KDM4C: variants seen among roughly 807,000 people sequenced by gnomAD.
KDM4C encodes lysine demethylase 4C, also known as lysine-specific demethylase 4C.
In KDM4C, 81 loss-of-function variants were observed where a neutral mutation model predicts 129.3. The observed-to-expected ratio is 0.63, with a 90% confidence interval of 0.52 to 0.75. KDM4C has a LOEUF of 0.75. Ranked by LOEUF, KDM4C falls within the 30% of genes least tolerant of loss-of-function variation. The probability of loss-of-function intolerance (pLI) is 0.00; values close to 1 mark genes in which losing one functional copy is unlikely to be tolerated. For missense variants in KDM4C, 1,457 were observed against 1,304.0 expected (o/e 1.12, Z -1.81); for synonymous variants, 573 against 456.1 (o/e 1.26, Z -3.26).
At chr9:6,997,665 C>G (rs1820012808) in intron 12 of KDM4C, among the ~76,000 whole-genome samples, 1 of 152,164 alleles carries the variant, frequency 6.6e-6, no homozygotes, top group South Asian at 2.1e-4. Context: ...TGACTTTGTG[C>G]TTTATATGTT....
chr9:6,938,864 ATTG>A (rs1010974734), intron 8 of KDM4C, among the ~76,000 whole-genome samples: 1 of 152,058 alleles, frequency 6.6e-6, no homozygotes, highest in African/African-American at 2.4e-5. Context: ...ATAAAATATT[ATTG>A]TTCTTTCATA....
At chr9:6,908,822 G>A (rs1385371128) in intron 8 of KDM4C, among the ~76,000 whole-genome samples, 1 of 152,002 alleles carries the variant, frequency 6.6e-6, no homozygotes, top group African/African-American at 2.4e-5. Flanking sequence ...CTATAAATTG[G>A]GATAATAATA....
Position 6,986,731 on chromosome 9 carries a change from A to G in KDM4C, c.1677+65A>G, listed in dbSNP as rs923788224. The G allele has an allele frequency of 3.4e-6, 4 of 1,187,896 alleles. No individual in the cohort carries two copies. In the African/African-American group the frequency reaches 4.6e-5, roughly 14 times the overall value. 73.6% of individuals were successfully genotyped at this position (1,187,896 alleles called of 1,614,324 possible). A position where few individuals can be genotyped will look rare whatever the true frequency, so the allele number is the denominator to read the frequency against. On this transcript the variant is annotated intron_variant, in intron 11 of 21. Coordinates refer to ENST00000381309, the MANE Select transcript of KDM4C (RefSeq NM_015061.6). ...GGTGAGAGCACATTTTGAAAACAAC[A>G]TGCTGTGCACTGAAATCCTCCTTTA...
At chr9:6,884,567 A>G (rs993504123) in intron 6 of KDM4C, among the ~76,000 whole-genome samples, 1 of 152,256 alleles carries the variant, frequency 6.6e-6, no homozygotes, top group Non-Finnish European at 1.5e-5. Context: ...GCAAATTTCA[A>G]TTATCAAGTA....
chr9:6,818,585 C>T (rs896813829), intron 4 of KDM4C, among the ~76,000 whole-genome samples: 1 of 152,170 alleles, frequency 6.6e-6, no homozygotes, highest in African/African-American at 2.4e-5. Flanking sequence ...TGGGAGTGGG[C>T]ATATTGAAAA....
intron 2 of KDM4C, among the ~76,000 whole-genome samples, chr9:6,793,874 T>G (rs1386415605): frequency 6.6e-6 from 1 of 152,172 alleles, no homozygotes; most frequent in Admixed American, 6.5e-5. Context: ...TATTGATATA[T>G]TTTATCATAT....
At chr9:7,127,713 A>G (rs1840169999) in intron 18 of KDM4C, among the ~76,000 whole-genome samples, 1 of 152,176 alleles carries the variant, frequency 6.6e-6, no homozygotes, top group Non-Finnish European at 1.5e-5. Flanking sequence ...AGATTAAAGT[A>G]TCCTATCAGT....
In KDM4C at chr9:6,875,821, T is replaced by C. The variant is rs1267113395; in HGVS notation, c.630-4191T>C. Among the ~76,000 whole-genome samples, 7 of 152,308 alleles carry C rather than the reference T, an allele frequency of 4.6e-5. No homozygotes were observed. In the East Asian group the frequency reaches 1.2e-3, roughly 25 times the overall value. On this transcript the variant is annotated intron_variant, in intron 5 of 21. Coordinates refer to ENST00000381309, the MANE Select transcript of KDM4C (RefSeq NM_015061.6). Reference sequence around the variant, plus strand: ...TGCCTTGAGTTCTTCCTGCAGTGCTTTATATGTGGCAGGTGCTCAGCACCT... The same window carrying C: ...TGCCTTGAGTTCTTCCTGCAGTGCTCTATATGTGGCAGGTGCTCAGCACCT...
intron 8 of KDM4C, among the ~76,000 whole-genome samples, chr9:6,958,140 A>G (rs992973987): frequency 7.3e-5 from 11 of 151,634 alleles, no homozygotes; most frequent in African/African-American, 2.2e-4. Context: ...AGGGACAGAA[A>G]GTTTTTCTCC....
intron 4 of KDM4C, among the ~76,000 whole-genome samples, chr9:6,819,650 C>T (rs1052244311): frequency 1.3e-5 from 2 of 152,020 alleles, no homozygotes; most frequent in Admixed American, 6.6e-5. Flanking sequence ...CTAAATTCAA[C>T]AAATGAGAAA....
At chr9:6,848,604 G>A (rs1366970026) in intron 4 of KDM4C, among the ~76,000 whole-genome samples, 1 of 152,152 alleles carries the variant, frequency 6.6e-6, no homozygotes, top group Non-Finnish European at 1.5e-5. Context: ...GGGAGGTAGA[G>A]GTTGCGGTGA....
chr9:6,995,677 A>AT (rs907644379), intron 12 of KDM4C, among the ~76,000 whole-genome samples: 72 of 147,898 alleles, frequency 4.9e-4, no homozygotes, highest in South Asian at 8.6e-4. Context: ...CAGGTTTTAA[A>AT]TTTTTTTTTT....
intron 18 of KDM4C, among the ~76,000 whole-genome samples, chr9:7,121,616 G>C (rs1410807222): frequency 1.3e-5 from 2 of 152,098 alleles, no homozygotes; most frequent in Admixed American, 6.6e-5. Flanking sequence ...CAGTGTACAC[G>C]TGTGTTTACA....
At chr9:7,014,331 A>T (rs1823249699) in intron 14 of KDM4C, 2 of 211,950 alleles carry the variant, frequency 9.4e-6, no homozygotes, top group African/African-American at 4.6e-5. Context: ...ACTTAATTTG[A>T]AAGTCTGATA....
intron 8 of KDM4C, among the ~76,000 whole-genome samples, chr9:6,910,529 T>C (rs1206976505): frequency 2.0e-5 from 3 of 152,166 alleles, no homozygotes; most frequent in African/African-American, 7.2e-5. Context: ...AACGTAAATA[T>C]AATCTCATTA....
At chr9:6,737,521 G>A (rs1418504788) in intron 1 of KDM4C, among the ~76,000 whole-genome samples, 1 of 151,558 alleles carries the variant, frequency 6.6e-6, no homozygotes, top group Admixed American at 6.6e-5. Context: ...AAAATTAGCT[G>A]GGCATGGTGG....
intron 8 of KDM4C, among the ~76,000 whole-genome samples, chr9:6,954,167 A>G (rs1260591046): frequency 6.6e-6 from 1 of 152,194 alleles, no homozygotes; most frequent in Non-Finnish European, 1.5e-5. Context: ...GTACACAGAT[A>G]CATAGGATTC....
At chr9:6,752,076 G>GT (rs1010597596) in intron 1 of KDM4C, among the ~76,000 whole-genome samples, 4 of 151,830 alleles carry the variant, frequency 2.6e-5, no homozygotes, top group African/African-American at 9.7e-5. Context: ...GCTCACGCCT[G>GT]TAATCCCAGC....
chr9:6,864,595 C>G (rs1020292941), intron 5 of KDM4C, among the ~76,000 whole-genome samples: 6 of 151,988 alleles, frequency 3.9e-5, no homozygotes, highest in Admixed American at 2.0e-4. Flanking sequence ...CTCAGCCCTC[C>G]ATAGCTGGGA....
Sources: allele counts gnomAD v4.1 joint callset (sites outside exome capture counted in the v4.1 genomes callset), GRCh38; gene constraint gnomAD v4.1.1; transcripts MANE v1.5; gene names NCBI Gene and HGNC (gene_info 2026-07-23, HGNC 2026-07-21).